Variants in STAG1 observed in about 807,000 individuals in gnomAD.
STAG1 encodes the protein STAG1 cohesin complex component.
STAG1 carries 26 observed loss-of-function variants against 170.9 expected under a neutral mutation model. The observed-to-expected ratio is 0.15, with a 90% CI of 0.11 to 0.21. STAG1 has a LOEUF of 0.21. Among genes scored for constraint, STAG1 ranks in the 10% least tolerant of loss-of-function variants. The pLI is 1.00. For missense variants in STAG1, 964 were observed against 1,509.5 expected, an observed-to-expected ratio of 0.64 and a Z score of 5.99; for synonymous variants, 514 against 497.7, an observed-to-expected ratio of 1.03 and a Z score of -0.44.
chr3:136,568,724 T>C, intron 5 of STAG1, 41 bp downstream of exon 5: 1 of 1,441,424 alleles, frequency 6.9e-7, no homozygotes, highest in Non-Finnish European at 9.7e-7. Flanking sequence ...ACTGCTGGAC[T>C]GACAGGCTCA....
At chr3:136,485,796 T>C (rs369522541) in intron 9 of STAG1, among the ~76,000 whole-genome samples, 59 of 152,362 alleles carry the variant, frequency 3.9e-4, no homozygotes, top group Middle Eastern at 3.4e-3. Context: ...ACTTGCTTTT[T>C]TCACAAATCA....
At chr3:136,645,538 T>C (rs556955423) in intron 1 of STAG1, among the ~76,000 whole-genome samples, 2 of 152,352 alleles carry the variant, frequency 1.3e-5, no homozygotes, top group Admixed American at 6.5e-5. Flanking sequence ...AAGTAATAAA[T>C]CTTTTCTTCA....
chr3:136,465,486 G>A (rs2089426699), intron 12 of STAG1, among the ~76,000 whole-genome samples: 1 of 139,032 alleles, frequency 7.2e-6, no homozygotes, highest in Non-Finnish European at 1.5e-5. Context: ...CTCCCAAAAT[G>A]CTGGGATTAT....
At chr3:136,518,672 C>A (rs748412254) in intron 7 of STAG1, among the ~76,000 whole-genome samples, 2 of 151,928 alleles carry the variant, frequency 1.3e-5, no homozygotes, top group Non-Finnish European at 2.9e-5. Context: ...TACAGTAATA[C>A]GTTAAAGTAA....
At chr3:136,532,777 A>G (rs889447373) in intron 6 of STAG1, among the ~76,000 whole-genome samples, 1 of 152,220 alleles carries the variant, frequency 6.6e-6, no homozygotes, top group African/African-American at 2.4e-5. Context: ...TCAAAATAAC[A>G]AAGTTCATAC....
At chr3:136,746,871 C>T (rs1311316163) in intron 1 of STAG1, among the ~76,000 whole-genome samples, 4 of 151,924 alleles carry the variant, frequency 2.6e-5, no homozygotes, top group Non-Finnish European at 4.4e-5. Flanking sequence ...CCGAGGCAGG[C>T]GGATCACCTG....
chr3:136,376,782 T>C (rs1277065019), intron 23 of STAG1, among the ~76,000 whole-genome samples: 1 of 151,874 alleles, frequency 6.6e-6, no homozygotes, highest in Non-Finnish European at 1.5e-5. Context: ...AATATTCTGG[T>C]GTAGAATTCT....
intron 14 of STAG1, among the ~76,000 whole-genome samples, 172 bp downstream of exon 14, chr3:136,451,861 C>T (rs568627071): frequency 6.6e-6 from 1 of 151,952 alleles, no homozygotes; most frequent in East Asian, 1.9e-4. Context: ...CATATATATT[C>T]AGAACACCTT....
At chr3:136,411,807 G>T (rs941705335) in intron 21 of STAG1, among the ~76,000 whole-genome samples, 1 of 152,020 alleles carries the variant, frequency 6.6e-6, no homozygotes, top group African/African-American at 2.4e-5. Context: ...TTAGCCGGGC[G>T]TGGTGGTGGG....
At chr3:136,474,320 G>A (rs2107815513) in intron 10 of STAG1, among the ~76,000 whole-genome samples, 1 of 152,290 alleles carries the variant, frequency 6.6e-6, no homozygotes, top group African/African-American at 2.4e-5. Context: ...AACAGCAGGA[G>A]ACCAAGTTCT....
chr3:136,639,168 C>T lies in STAG1; in HGVS notation c.-83-8187G>A, dbSNP rs568612676. On this transcript the variant is annotated intron_variant, in intron 1 of 33. Transcript: ENST00000383202. ...TGGGCAACATAAGTAAGACTCCCAT[C>T]TCAAAAAAAGAAAAAAGAAAAGAAA... Among the ~76,000 whole-genome samples the T allele has an allele frequency of 3.3e-3, 461 of 141,094 alleles. 2 individuals are homozygous for T. Among genetic ancestry groups the T allele is most frequent in the African/African-American group, 0.012 (439 of 36,124 alleles). The allele number at this position is 141,094 out of a possible 152,430, so 92.6% of individuals were successfully genotyped here.
intron 1 of STAG1, among the ~76,000 whole-genome samples, chr3:136,644,995 G>A (rs2107850127): frequency 1.3e-5 from 2 of 152,250 alleles, no homozygotes; most frequent in East Asian, 3.9e-4. Flanking sequence ...CTCCCGAAGT[G>A]CTGGGATTAC....
chr3:136,539,929 G>A (rs963755340), intron 6 of STAG1, among the ~76,000 whole-genome samples: 1 of 152,010 alleles, frequency 6.6e-6, no homozygotes, highest in Admixed American at 6.6e-5. Context: ...TTACTTTGCT[G>A]TAATACAATA....
At chr3:136,525,024 G>A (rs982718403) in intron 6 of STAG1, among the ~76,000 whole-genome samples, 6 of 152,072 alleles carry the variant, frequency 3.9e-5, no homozygotes, top group Admixed American at 1.3e-4. Context: ...CTTTTGCATC[G>A]ATGTTCATCA....
chr3:136,655,847 C>A (rs984357207), intron 1 of STAG1, among the ~76,000 whole-genome samples: 2 of 151,624 alleles, frequency 1.3e-5, no homozygotes, highest in Non-Finnish European at 2.9e-5. Flanking sequence ...GGTATAGCCA[C>A]AGTGTAAAAA....
chr3:136,556,970 C>T lies in STAG1; in HGVS notation c.394+11795G>A, dbSNP rs149899162. 8.3e-4 allele frequency among the ~76,000 whole-genome samples: 127 copies of T among 152,158 alleles called. 1 individual carries two copies. In the East Asian group the frequency reaches 0.015, roughly 18 times the overall value. ...TTTTTTGACCAGGAGCAATGGCCGA[C>T]GCCTGTAATCCCAGCACTTTGGGAG... is the stretch of plus-strand genomic sequence containing the variant. On this transcript the variant is annotated intron_variant, in intron 5 of 33. Coordinates refer to ENST00000383202, the MANE Select transcript of STAG1 (RefSeq NM_005862.3).
intron 25 of STAG1, among the ~76,000 whole-genome samples, chr3:136,364,171 C>G (rs1362984233): frequency 6.6e-6 from 1 of 152,028 alleles, no homozygotes; most frequent in Non-Finnish European, 1.5e-5. Flanking sequence ...CAACCTCTGC[C>G]TCCTGGGTTC....
chr3:136,454,376 G>A (rs561243196), intron 13 of STAG1, among the ~76,000 whole-genome samples: 45 of 148,254 alleles, frequency 3.0e-4, no homozygotes, highest in Non-Finnish European at 5.2e-4. Context: ...CACCGTGATC[G>A]GCTTATTTTA....
chr3:136,510,697 C>T (rs988704647), intron 7 of STAG1, among the ~76,000 whole-genome samples: 3 of 151,964 alleles, frequency 2.0e-5, no homozygotes, highest in Non-Finnish European at 2.9e-5. Flanking sequence ...CTGCAACCTC[C>T]GCCCTCTGGG....
Sources: allele counts gnomAD v4.1 joint callset (sites outside exome capture counted in the v4.1 genomes callset), GRCh38; gene constraint gnomAD v4.1.1; transcripts MANE v1.5; gene names NCBI Gene and HGNC (gene_info 2026-07-23, HGNC 2026-07-21).